The following SEPTIN10 variants were observed in gnomAD, a reference collection of about 807,000 sequenced individuals.
The protein encoded by SEPTIN10 is septin 10.
SEPTIN10 carries 66 observed loss-of-function variants against 54.8 expected under a neutral mutation model. The ratio of observed to expected loss-of-function variants is 1.21; its 90% CI spans 0.99 to 1.48. SEPTIN10 has a LOEUF of 1.48. Among genes scored for constraint, SEPTIN10 ranks in the 40% most tolerant of loss-of-function variants. SEPTIN10 has a pLI of 0.00. For synonymous variants in SEPTIN10, 161 were observed against 181.0 expected, an observed-to-expected ratio of 0.89 and a Z score of 0.89; for missense variants, 620 against 545.6, an observed-to-expected ratio of 1.14 and a Z score of -1.36.
chr2:109,543,678 C>A lies in SEPTIN10; in HGVS notation c.*631G>T, dbSNP rs1326286853. ...TCTGTATTTTCAGTGGCACTGACTT[C>A]GCTCTTTGGTATAATGCACTGCAGT... On this transcript the variant is annotated 3_prime_UTR_variant, in exon 11 of 11. Coordinates refer to ENST00000397712, the MANE Select transcript of SEPTIN10 (RefSeq NM_144710.5). The A allele has an allele frequency of 6.6e-6, 1 of 152,664 alleles. No individual in the cohort carries two copies. Among genetic ancestry groups the A allele is most frequent in the African/African-American group, 2.4e-5 (1 of 41,440 alleles). The allele number at this position is 152,664 out of a possible 1,614,324, so 9.5% of individuals were successfully genotyped here.
At chr2:109,580,835 T>C (rs1246991220) in intron 4 of SEPTIN10, among the ~76,000 whole-genome samples, 1 of 152,240 alleles carries the variant, frequency 6.6e-6, no homozygotes. Context: ...GCTTCCTGAC[T>C]GGGGACAAGT....
Position 109,574,577 on chromosome 2 carries a change from C to A in SEPTIN10, c.600+4G>T. ...TGGTAAGTTGATTCCTTTCCTCAAC[C>A]CACCTTGCTGTCAAGGTTCTTCATG... On this transcript the variant is annotated splice_donor_region_variant and intron_variant, in intron 5 of 10. Transcript: ENST00000397712. The A allele has an allele frequency of 2.0e-6, 3 of 1,496,762 alleles. No homozygotes were observed. The highest frequency in any genetic ancestry group is 2.7e-6 in the Non-Finnish European group (3 of 1,122,830). The allele number at this position is 1,496,762 out of a possible 1,614,324, so 92.7% of individuals were successfully genotyped here.
chr2:109,557,353 T>C (rs981206866), intron 8 of SEPTIN10, among the ~76,000 whole-genome samples: 1 of 152,210 alleles, frequency 6.6e-6, no homozygotes, highest in Non-Finnish European at 1.5e-5. Context: ...GGTACTCTTC[T>C]GGACTCCTTT....
intron 2 of SEPTIN10, among the ~76,000 whole-genome samples, chr2:109,587,933 AAC>A (rs1319717310): frequency 6.6e-6 from 1 of 151,728 alleles, no homozygotes; most frequent in Non-Finnish European, 1.5e-5. Flanking sequence ...AACAAAAACA[AAC>A]ACACACAAAA....
At chr2:109,545,346 T>A in intron 10 of SEPTIN10, 7 of 1,496,966 alleles carry the variant, frequency 4.7e-6, no homozygotes, top group Non-Finnish European at 6.2e-6. Flanking sequence ...AAAAATAAAC[T>A]TATTTTCTAA....
At chr2:109,557,179 A>AT (rs1260211505) in intron 8 of SEPTIN10, among the ~76,000 whole-genome samples, 2 of 152,130 alleles carry the variant, frequency 1.3e-5, no homozygotes, top group African/African-American at 2.4e-5. Context: ...ATAAAAAAAA[A>AT]TTTAAAAAAA....
At chr2:109,548,355 G>A (rs964299562) in intron 9 of SEPTIN10, among the ~76,000 whole-genome samples, 1 of 152,136 alleles carries the variant, frequency 6.6e-6, no homozygotes, top group South Asian at 2.1e-4. Context: ...GTAGAAACCT[G>A]GCATTCATGC....
intron 8 of SEPTIN10, among the ~76,000 whole-genome samples, chr2:109,559,592 A>T: frequency 6.6e-6 from 1 of 152,208 alleles, no homozygotes; most frequent in East Asian, 1.9e-4. Flanking sequence ...CCTATCATTG[A>T]GTCCTTTCCT....
Position 109,543,894 on chromosome 2 carries a change from C to A in SEPTIN10, c.*415G>T. ...TGCATATACACAACGGGACCCGACT[C>A]TAATTACATAATTCATGTTTCACAT... On this transcript the variant is annotated 3_prime_UTR_variant, in exon 11 of 11. Transcript: ENST00000397712. 1 of 428,700 alleles carries A rather than the reference C, an allele frequency of 2.3e-6. No homozygotes were observed. The highest frequency in any genetic ancestry group is 4.1e-5 in the Admixed American group (1 of 24,110). 26.6% of individuals were successfully genotyped at this position (428,700 alleles called of 1,614,324 possible).
At chr2:109,592,701 A>T (rs1469961052) in intron 2 of SEPTIN10, among the ~76,000 whole-genome samples, 1 of 150,712 alleles carries the variant, frequency 6.6e-6, no homozygotes, top group Non-Finnish European at 1.5e-5. Flanking sequence ...AATCGCTTGA[A>T]CCCGGGAGGC....
intron 1 of SEPTIN10, chr2:109,612,999 T>C (rs553058900): frequency 6.8e-5 from 32 of 473,326 alleles, no homozygotes; most frequent in Admixed American, 3.3e-4. Flanking sequence ...AAAGAGCTTT[T>C]GTTTACACAG....
chr2:109,549,188 T>G lies in SEPTIN10; in HGVS notation c.1162-2951A>C, dbSNP rs1573379237. On this transcript the variant is annotated intron_variant, in intron 9 of 10. Coordinates refer to ENST00000397712, the MANE Select transcript of SEPTIN10 (RefSeq NM_144710.5). ...AGAGTGGCAGTTCTCTGCACACGTG[T>G]GCATCGGTGATGTGGGAGAGGAGCA... 2.6e-5 allele frequency among the ~76,000 whole-genome samples: 4 copies of G among 152,318 alleles called. 1 individual carries two copies. The highest frequency in any genetic ancestry group is 9.6e-5 in the African/African-American group (4 of 41,566).
chr2:109,592,929 G>T, intron 2 of SEPTIN10, 122 bp downstream of exon 2: 2 of 509,636 alleles, frequency 3.9e-6, no homozygotes, highest in Non-Finnish European at 3.3e-6. Context: ...ATTAATTCAC[G>T]TTGGAGGTAA....
intron 1 of SEPTIN10, among the ~76,000 whole-genome samples, chr2:109,601,140 C>T (rs762544254): frequency 6.6e-6 from 1 of 152,194 alleles, no homozygotes; most frequent in Non-Finnish European, 1.5e-5. Context: ...TCACTGGTAT[C>T]AATTAACTTT....
chr2:109,613,200 T>C (rs1431762776), intron 1 of SEPTIN10: 1 of 1,286,234 alleles, frequency 7.8e-7, no homozygotes, highest in Admixed American at 2.3e-5. Context: ...GCTGGCTTAC[T>C]AACAAGCGAG....
chr2:109,592,508 G>A (rs1480818031), intron 2 of SEPTIN10, among the ~76,000 whole-genome samples: 3 of 150,802 alleles, frequency 2.0e-5, no homozygotes, highest in Non-Finnish European at 3.0e-5. Context: ...AAATAGGGCT[G>A]GGCGCAGTGG....
intron 4 of SEPTIN10, among the ~76,000 whole-genome samples, chr2:109,575,902 T>C (rs977393997): frequency 5.3e-5 from 8 of 152,206 alleles, no homozygotes; most frequent in African/African-American, 1.9e-4. Flanking sequence ...TTGTTCTCCC[T>C]ATGCAAATGG....
intron 1 of SEPTIN10, among the ~76,000 whole-genome samples, chr2:109,594,051 T>C (rs916808881): frequency 2.6e-5 from 4 of 152,146 alleles, no homozygotes; most frequent in Non-Finnish European, 2.9e-5. Flanking sequence ...CAGTAGTGTA[T>C]AGACACAGGT....
rs370393331 is a variant in SEPTIN10 at position 109,598,067 on chromosome 2, T to C, written c.31-4948A>G. On this transcript the variant is annotated intron_variant, in intron 1 of 10. Transcript: ENST00000397712. ...CTTAGCTTTATGTTTTTTTGTTTTG[T>C]TTTGTTTTTTTTGAGATGGAGTCTT... Among the ~76,000 whole-genome samples, 281 of 152,260 alleles carry C rather than the reference T, an allele frequency of 1.8e-3. 1 individual carries two copies. The South Asian group carries it at 0.022, about 12-fold the overall frequency.
Sources: allele counts gnomAD v4.1 joint callset (sites outside exome capture counted in the v4.1 genomes callset), GRCh38; gene constraint gnomAD v4.1.1; transcripts MANE v1.5; gene names NCBI Gene and HGNC (gene_info 2026-07-23, HGNC 2026-07-21).